The following LINGO1 variants were observed in gnomAD, a reference collection of about 807,000 sequenced individuals.
LINGO1 encodes the protein leucine-rich repeat and immunoglobulin-like domain-containing nogo receptor-interacting protein 1.
Under a neutral mutation model 37.3 loss-of-function variants are expected in LINGO1, and 11 were observed. That is an observed-to-expected ratio of 0.29 (90% CI 0.19 to 0.49). LINGO1 has a LOEUF of 0.49. Among genes scored for constraint, LINGO1 ranks in the 20% least tolerant of loss-of-function variants. The pLI, the probability that LINGO1 is intolerant of heterozygous loss-of-function variation, is 0.99. For missense variants in LINGO1, 585 were observed against 878.2 expected (o/e 0.67, Z 4.22); for synonymous variants, 387 against 403.0 (o/e 0.96, Z 0.48).
intron 1 of LINGO1, among the ~76,000 whole-genome samples, chr15:77,763,188 G>A (rs937718862): frequency 2.0e-5 from 3 of 152,116 alleles, no homozygotes; most frequent in East Asian, 1.9e-4. Flanking sequence ...ATTAACATTC[G>A]CCTAATTAAG....
chr15:77,816,710 G>A (rs1394691364), intron 1 of LINGO1, among the ~76,000 whole-genome samples: 3 of 152,092 alleles, frequency 2.0e-5, no homozygotes, highest in Non-Finnish European at 4.4e-5. Flanking sequence ...AATAGACCAG[G>A]GGCCAAATAA....
In LINGO1 at chr15:77,739,349, C is replaced by T. The variant is rs571418945; in HGVS notation, c.-256-4296G>A. 3.9e-3 allele frequency among the ~76,000 whole-genome samples: 595 copies of T among 152,294 alleles called. 5 individuals carry two copies. Among genetic ancestry groups the T allele is most frequent in the African/African-American group, 0.013 (561 of 41,570 alleles). ...AGATAACTCGATATAATGAACTCCA[C>T]GGTCCCTCTTGCTGTTTGGAGCTTT... On this transcript the variant is annotated intron_variant, in intron 1 of 3. Coordinates refer to the LINGO1 transcript ENST00000561686.
intron 3 of LINGO1, among the ~76,000 whole-genome samples, chr15:77,671,832 C>T (rs2075254707): frequency 6.6e-6 from 1 of 152,224 alleles, no homozygotes; most frequent in South Asian, 2.1e-4. Flanking sequence ...GAGGAGGCCC[C>T]AGATGCCTCA....
intron 3 of LINGO1, among the ~76,000 whole-genome samples, chr15:77,666,430 A>T (rs548851779): frequency 6.6e-6 from 1 of 152,322 alleles, no homozygotes; most frequent in Admixed American, 6.5e-5. Context: ...TGCTGTCGTC[A>T]CTACTACCCT....
intron 1 of LINGO1, among the ~76,000 whole-genome samples, chr15:77,624,060 G>A (rs1426525414): frequency 6.1e-5 from 9 of 148,598 alleles, no homozygotes; most frequent in Admixed American, 4.7e-4. Context: ...TGTGAGTGCG[G>A]TGTGTGAGTG....
upstream of LINGO1, chr15:77,634,155 G>A (rs978434992): frequency 4.7e-6 from 2 of 429,268 alleles, no homozygotes; most frequent in African/African-American, 4.0e-5. Context: ...CCTCTCCCAG[G>A]AAGCCTGCGC....
intron 1 of LINGO1, among the ~76,000 whole-genome samples, chr15:77,761,556 TTTGAG>T (rs1192802420): frequency 3.3e-5 from 5 of 152,224 alleles, no homozygotes; most frequent in African/African-American, 1.2e-4. Flanking sequence ...ACTGTGCTCC[TTTGAG>T]TTAAGATGTC....
chr15:77,739,144 A>G (rs186029972), intron 1 of LINGO1, among the ~76,000 whole-genome samples: 4,397 of 152,292 alleles, frequency 0.029, 104 homozygotes, highest in Middle Eastern at 0.061. Flanking sequence ...GCTGAACGCA[A>G]CCGGCGGGGG....
chr15:77,744,299 C>T (rs2076292198), intron 1 of LINGO1, among the ~76,000 whole-genome samples: 1 of 152,130 alleles, frequency 6.6e-6, no homozygotes, highest in Admixed American at 6.5e-5. Flanking sequence ...TCTGGGAGGC[C>T]AAGGTGGGCA....
intron 1 of LINGO1, among the ~76,000 whole-genome samples, chr15:77,747,616 C>T (rs1596184644): frequency 6.6e-6 from 1 of 152,236 alleles, no homozygotes; most frequent in Admixed American, 6.5e-5. Context: ...ATTAACAAAA[C>T]ACTGACCTGC....
chr15:77,669,067 G>C (rs1241854313), intron 3 of LINGO1, among the ~76,000 whole-genome samples: 1 of 152,220 alleles, frequency 6.6e-6, no homozygotes, highest in Non-Finnish European at 1.5e-5. Flanking sequence ...TGCATGTCAG[G>C]GTATAATTAC....
upstream of LINGO1, among the ~76,000 whole-genome samples, chr15:77,699,771 T>TCACCTGCA (rs1567532365): frequency 7.9e-5 from 7 of 89,102 alleles, no homozygotes; most frequent in East Asian, 7.0e-4. Flanking sequence ...ATACTAACCA[T>TCACCTGCA]CATTCCCCCC....
At chr15:77,627,025 C>A (rs1285595739) in intron 1 of LINGO1, among the ~76,000 whole-genome samples, 2 of 151,276 alleles carry the variant, frequency 1.3e-5, no homozygotes, top group Non-Finnish European at 3.0e-5. Flanking sequence ...GGCCCCCACC[C>A]CCTCCCAGAG....
chr15:77,766,691 G>A (rs1312716579), intron 1 of LINGO1, among the ~76,000 whole-genome samples: 2 of 152,156 alleles, frequency 1.3e-5, no homozygotes, highest in Non-Finnish European at 2.9e-5. Context: ...TTGGGAAGAA[G>A]GTTGACTTCC....
intron 1 of LINGO1, among the ~76,000 whole-genome samples, chr15:77,628,597 G>A (rs1487438211): frequency 1.3e-5 from 2 of 152,342 alleles, no homozygotes; most frequent in African/African-American, 4.8e-5. Context: ...AGAGGCAACG[G>A]GACGGGGTGT....
chr15:77,649,143 G>A (rs2074703020), intron 3 of LINGO1: 1 of 152,382 alleles, frequency 6.6e-6, no homozygotes, highest in African/African-American at 2.4e-5. Context: ...CTAGCAGTCT[G>A]TATTGTCTGC....
chr15:77,631,232 C>G (rs2074245128), intron 1 of LINGO1, among the ~76,000 whole-genome samples: 1 of 152,162 alleles, frequency 6.6e-6, no homozygotes, highest in African/African-American at 2.4e-5. Context: ...GCTGCCCAAA[C>G]CAAGCAGAGG....
intron 1 of LINGO1, among the ~76,000 whole-genome samples, chr15:77,740,611 G>A (rs2076253209): frequency 6.6e-6 from 1 of 152,178 alleles, no homozygotes; most frequent in African/African-American, 2.4e-5. Context: ...GGGGAAGACA[G>A]CAACTGGAAG....
intron 1 of LINGO1, among the ~76,000 whole-genome samples, chr15:77,777,441 C>A (rs2076669726): frequency 7.3e-6 from 1 of 137,046 alleles, no homozygotes; most frequent in Non-Finnish European, 1.6e-5. Context: ...CCCAGTGAAA[C>A]AGATTTTGGA....
Sources: allele counts gnomAD v4.1 joint callset (sites outside exome capture counted in the v4.1 genomes callset), GRCh38; gene constraint gnomAD v4.1.1; transcripts MANE v1.5; gene names NCBI Gene and HGNC (gene_info 2026-07-23, HGNC 2026-07-21).